MCM5: variants seen among roughly 807,000 people sequenced by gnomAD.
The protein encoded by MCM5 is minichromosome maintenance complex component 5, also known as DNA replication licensing factor MCM5.
MCM5 carries 46 observed loss-of-function variants against 79.9 expected under a neutral mutation model. That is an observed-to-expected ratio of 0.58 (90% CI 0.45 to 0.74). MCM5 has a LOEUF of 0.74. MCM5 is among the 30% of genes least tolerant of loss of function. The pLI, the probability that MCM5 is intolerant of heterozygous loss-of-function variation, is 0.00. For missense variants in MCM5, 883 were observed against 1,017.0 expected (o/e 0.87, Z 1.79); for synonymous variants, 404 against 390.5 (o/e 1.03, Z -0.41).
chr22:35,400,252 A>T lies in MCM5; in HGVS notation c.-9+44A>T, dbSNP rs1394675724. The T allele has an allele frequency of 9.4e-6, 6 of 641,136 alleles. No homozygotes were observed. The East Asian group carries it at 1.6e-4, about 17-fold the overall frequency. 39.7% of individuals were successfully genotyped at this position (641,136 alleles called of 1,614,324 possible). A position where few individuals can be genotyped will look rare whatever the true frequency, so the allele number is the denominator to read the frequency against. ...GGACTGGGACTGGGAGCCAGCAGGC[A>T]TCTGGATTTCCGGGTGTAGTTGGAG... On this transcript the variant is annotated intron_variant, in intron 1 of 16. Transcript: ENST00000216122.
chr22:35,421,573 G>A, intron 15 of MCM5, 113 bp downstream of exon 15: 2 of 1,445,838 alleles, frequency 1.4e-6, no homozygotes, highest in South Asian at 1.1e-5. Flanking sequence ...GCTTCTCTGA[G>A]TTTGCTGAGC....
the MCM5 span, among the ~76,000 whole-genome samples, chr22:35,436,164 CAAAAAAA>C: frequency 0.012 from 734 of 61,050 alleles, 29 homozygotes; most frequent in Admixed American, 0.11. Context: ...AACTCAGTCT[CAAAAAAA>C]AAAAAAAAAA....
At chr22:35,444,871 C>T in the MCM5 span, among the ~76,000 whole-genome samples, 4 of 152,168 alleles carry the variant, frequency 2.6e-5, no homozygotes, top group African/African-American at 9.7e-5. Context: ...GAAAATGAGG[C>T]AGATGCAGCA....
chr22:35,412,597 C>G lies in MCM5; in HGVS notation c.1007C>G (p.Ser336Cys). ...AALPNVYEVI[S>C]KSIAPSIFGG... is the part of the protein sequence containing the mutation. ...CTCCCAAATGTCTATGAGGTCATCT[C>G]CAAGAGCATCGCCCCCTCCATCTTT... The change falls in exon 8 of 17, where the codon TCC (serine) becomes TGC (cysteine). Residue 336 changes from serine (S) to cysteine (C), a missense_variant. Physicochemically the swap from Ser to Cys is moderately radical, Grantham distance 112 (BLOSUM62 -1). Coordinates refer to ENST00000216122, the MANE Select transcript of MCM5 (RefSeq NM_006739.4). The G allele has an allele frequency of 6.3e-7, 1 of 1,588,690 alleles. No homozygotes were observed. The highest frequency in any genetic ancestry group is 1.1e-5 in the South Asian group (1 of 87,910).
At chr22:35,450,742 A>G in the MCM5 span, among the ~76,000 whole-genome samples, 1 of 152,184 alleles carries the variant, frequency 6.6e-6, no homozygotes, top group African/African-American at 2.4e-5. Context: ...GGCTCCCTAC[A>G]TCTTCAGAAG....
Position 35,403,551 on chromosome 22 carries a change from G to T in MCM5, c.423+9G>T. ...GCATTCGTAGCCTGAAGGTGGGTCG[G>T]AGGGCAGTGGCTGCTGCATGGTGCA... On this transcript the variant is annotated intron_variant, in intron 4 of 16. Coordinates refer to ENST00000216122, the MANE Select transcript of MCM5 (RefSeq NM_006739.4). 6.2e-7 allele frequency: 1 copy of T among 1,611,772 alleles called. No individual in the cohort carries two copies.
intron 6 of MCM5, 24 bp from the exon 7 acceptor site, chr22:35,410,720 C>G: frequency 6.2e-7 from 1 of 1,611,966 alleles, no homozygotes; most frequent in Middle Eastern, 1.7e-4. Context: ...AGCTTTTCTC[C>G]TTTCTCCTCT....
At position 35,400,184 on chromosome 22, in the gene MCM5, G is replaced by C. The variant is rs1231984719; in HGVS notation, c.-33G>C. The C allele has an allele frequency of 1.9e-6, 1 of 514,934 alleles. No individual in the cohort carries two copies. Among genetic ancestry groups the C allele is most frequent in the Non-Finnish European group, 3.5e-6 (1 of 283,414 alleles). 31.9% of individuals were successfully genotyped at this position (514,934 alleles called of 1,614,324 possible). ...AGCGTGGAGGTTCTTGTCTCCCCTG[G>C]TTTGTGAAGTGCGGAAAACCAGAGG... On this transcript the variant is annotated 5_prime_UTR_variant, in exon 1 of 17. Coordinates refer to ENST00000216122, the MANE Select transcript of MCM5 (RefSeq NM_006739.4).
intron 1 of MCM5, 34 bp from the exon 2 acceptor site, chr22:35,400,397 C>G: frequency 6.2e-7 from 1 of 1,613,284 alleles, no homozygotes; most frequent in East Asian, 2.2e-5. Context: ...AGGCGCTGCC[C>G]CCAGCCTGTT....
Position 35,423,359 on chromosome 22 carries a change from T to G in MCM5, c.2103+18T>G. The stretch of plus-strand genomic sequence containing the variant: ...CCAAGCAGGTGAGCCTGCCTTGGAG[T>G]GGGGGTGTGAGCCGGCACGGGGTGC... On this transcript the variant is annotated intron_variant, in intron 16 of 16. Coordinates refer to ENST00000216122, the MANE Select transcript of MCM5 (RefSeq NM_006739.4). 1 of 1,579,552 alleles carries G rather than the reference T, an allele frequency of 6.3e-7. No homozygotes were observed. The highest frequency in any genetic ancestry group is 8.6e-7 in the Non-Finnish European group (1 of 1,157,074).
At position 35,403,561 on chromosome 22, in the gene MCM5, G is replaced by A; in HGVS notation, c.423+19G>A. Reference sequence around the variant, plus strand: ...CCTGAAGGTGGGTCGGAGGGCAGTGGCTGCTGCATGGTGCAGAGGGCTTTG... The same window carrying A: ...CCTGAAGGTGGGTCGGAGGGCAGTGACTGCTGCATGGTGCAGAGGGCTTTG... On this transcript the variant is annotated intron_variant, in intron 4 of 16. Coordinates refer to ENST00000216122, the MANE Select transcript of MCM5 (RefSeq NM_006739.4). The A allele has an allele frequency of 6.2e-7, 1 of 1,610,486 alleles. No homozygotes were observed. Among genetic ancestry groups the A allele is most frequent in the Non-Finnish European group, 8.5e-7 (1 of 1,179,938 alleles).
chr22:35,448,547 G>A, the MCM5 span, among the ~76,000 whole-genome samples: 5 of 152,310 alleles, frequency 3.3e-5, no homozygotes, highest in South Asian at 8.3e-4. Context: ...GCCCCAGGCC[G>A]GGCATCAGAC....
chr22:35,444,982 G>A, the MCM5 span, among the ~76,000 whole-genome samples: 7 of 152,208 alleles, frequency 4.6e-5, no homozygotes, highest in East Asian at 7.7e-4. Flanking sequence ...ACTCCTCTGC[G>A]GCCAGAGCGA....
At chr22:35,450,084 A>G in the MCM5 span, among the ~76,000 whole-genome samples, 5 of 152,308 alleles carry the variant, frequency 3.3e-5, no homozygotes, top group South Asian at 1.0e-3. Flanking sequence ...AGAAGGAGAC[A>G]GGGAAGGGTG....
At chr22:35,446,589 C>T in the MCM5 span, among the ~76,000 whole-genome samples, 1 of 152,066 alleles carries the variant, frequency 6.6e-6, no homozygotes, top group African/African-American at 2.4e-5. Context: ...AAGCAGAATG[C>T]CCCCAGTGAG....
intron 12 of MCM5, among the ~76,000 whole-genome samples, chr22:35,417,392 A>T (rs959752474): frequency 6.6e-6 from 1 of 152,162 alleles, no homozygotes; most frequent in Non-Finnish European, 1.5e-5. Flanking sequence ...ACTTCTATCA[A>T]AAGTCCCAGG....
chr22:35,400,592 A>G lies in MCM5; in HGVS notation c.154A>G (p.Thr52Ala), dbSNP rs954865384. The change falls in exon 2 of 17, where the codon ACC becomes GCC. Residue 52 changes from threonine to alanine, a missense_variant. By Grantham distance (58) the Thr-to-Ala change is moderately conservative. This residue lies in a region of MCM5 where 455 missense variants were observed against 517.5 expected (regional missense o/e 0.88). Transcript: ENST00000216122. ...YRVGTDRTGF[T>A]FKYRDELKRH... ...AGTGGGCACCGACCGCACGGGCTTC[A>G]CCTTCAAATACAGGTGCGGCTCCTG... 2.5e-5 allele frequency: 40 copies of G among 1,608,404 alleles called. No individual in the cohort carries two copies. Among genetic ancestry groups the G allele is most frequent in the Non-Finnish European group, 3.4e-5 (40 of 1,176,308 alleles).
chr22:35,406,427 A>C (rs951361996), intron 4 of MCM5, 126 bp from the exon 5 acceptor site: 12 of 806,656 alleles, frequency 1.5e-5, no homozygotes, highest in Non-Finnish European at 2.3e-5. Context: ...GGAACAGAAG[A>C]GCTGTGGCCC....
downstream of MCM5, among the ~76,000 whole-genome samples, chr22:35,427,274 C>T (rs978029389): frequency 2.0e-5 from 3 of 152,186 alleles, no homozygotes; most frequent in African/African-American, 7.2e-5. Flanking sequence ...ATAAAGATGG[C>T]CCATACTTCA....
Sources: allele counts gnomAD v4.1 joint callset (sites outside exome capture counted in the v4.1 genomes callset), GRCh38; gene constraint gnomAD v4.1.1; regional missense constraint gnomAD v4.1.1; transcripts MANE v1.5; gene names NCBI Gene and HGNC (gene_info 2026-07-23, HGNC 2026-07-21).